The following WDR11 variants were observed in gnomAD, a reference collection of about 807,000 sequenced individuals.
WDR11 encodes WD repeat domain 11, also known as WD repeat-containing protein 11.
WDR11 carries 83 observed loss-of-function variants against 151.2 expected under a neutral mutation model. The observed-to-expected ratio is 0.55, with a 90% CI of 0.46 to 0.66. The LOEUF (loss-of-function observed/expected upper bound fraction) is 0.66, where lower values mean the gene tolerates loss of function less well. Among genes scored for constraint, WDR11 ranks in the 30% least tolerant of loss-of-function variants. WDR11 has a pLI of 0.00. For missense variants in WDR11, 1,301 were observed against 1,480.9 expected (o/e 0.88, Z 1.99); for synonymous variants, 484 against 533.1 (o/e 0.91, Z 1.27).
At position 120,904,039 on chromosome 10, in the gene WDR11, A is replaced by G. The variant is rs1847939647; in HGVS notation, c.2932-8A>G. 6.3e-6 allele frequency: 10 copies of G among 1,593,238 alleles called. No homozygotes were observed. The African/African-American group carries it at 8.1e-5, about 13-fold the overall frequency. On this transcript the variant is annotated splice_polypyrimidine_tract_variant and splice_region_variant and intron_variant, in intron 23 of 28. Coordinates refer to ENST00000263461, the MANE Select transcript of WDR11 (RefSeq NM_018117.12). The stretch of plus-strand genomic sequence containing the variant: ...CAGGCTTAATTTTTCTTTTTTTTCC[A>G]ATTCTAGAAATTTCAGCTAGAAAGG...
At chr10:120,881,141 A>G (rs1233335087) in intron 13 of WDR11, among the ~76,000 whole-genome samples, 1 of 152,218 alleles carries the variant, frequency 6.6e-6, no homozygotes, top group South Asian at 2.1e-4. Flanking sequence ...TTACTTTCGG[A>G]TAAAGTTCTT....
chr10:120,905,306 T>C lies in WDR11; in HGVS notation c.3194-13T>C. The C allele has an allele frequency of 1.2e-6, 2 of 1,613,750 alleles. No individual in the cohort carries two copies. The highest frequency in any genetic ancestry group is 3.3e-5 in the Admixed American group (2 of 60,022). On this transcript the variant is annotated splice_polypyrimidine_tract_variant and intron_variant, in intron 25 of 28. Coordinates refer to ENST00000263461, the MANE Select transcript of WDR11 (RefSeq NM_018117.12). ...TGCAGTGTCACTTAAGGGGATGCGC[T>C]TTTGTCTTTCAGAGGGCGTTCAGTT... is the stretch of plus-strand genomic sequence containing the variant.
At chr10:120,873,760 A>C in intron 10 of WDR11, 79 bp from the exon 11 acceptor site, 1 of 922,608 alleles carries the variant, frequency 1.1e-6, no homozygotes, top group Non-Finnish European at 1.8e-6. Context: ...AAGTGATTAA[A>C]GTCTTGAGAA....
Position 120,880,834 on chromosome 10 carries a change from A to G in WDR11, c.1672A>G (p.Ile558Val). 6.2e-7 allele frequency: 1 copy of G among 1,603,858 alleles called. No individual in the cohort carries two copies. The highest frequency in any genetic ancestry group is 8.5e-7 in the Non-Finnish European group (1 of 1,173,508). ...QLVDLPTGRS[I>V]AFRGERGNDE... is the part of the protein sequence containing the mutation. ...AATATTTGCAATTAAAGGTAGGAGC[A>G]TTGCTTTTCGTGGTGAAAGAGGCAA... Residue 558 changes from isoleucine (I) to valine (V), a missense_variant, in exon 13 of 29, where the codon ATT (isoleucine) becomes GTT (valine). Ile to Val is a conservative substitution (Grantham distance 29, BLOSUM62 3). Transcript: ENST00000263461.
At chr10:120,881,000 T>A (rs934330204) in intron 13 of WDR11, 99 bp downstream of exon 13, 2 of 1,074,998 alleles carry the variant, frequency 1.9e-6, no homozygotes, top group East Asian at 5.2e-5. Flanking sequence ...GGAATGCATA[T>A]GGAATCTTTT....
Position 120,860,190 on chromosome 10 carries a change from A to G in WDR11, c.434A>G (p.Asn145Ser). 1 of 1,614,190 alleles carries G rather than the reference A, an allele frequency of 6.2e-7. No homozygotes were observed. The change falls in exon 4 of 29, where the codon AAT becomes AGT. Residue 145 changes from asparagine (N) to serine (S), a missense_variant. Physicochemically the swap from Asn to Ser is conservative, Grantham distance 46. Coordinates refer to ENST00000263461, the MANE Select transcript of WDR11 (RefSeq NM_018117.12). ...IHPPNYIVLW[N>S]ADTGTKLWKK... ...CCGCCAAATTACATTGTGCTCTGGA[A>G]TGCCGACACTGGCACCAAACTATGG...
At position 120,873,887 on chromosome 10, in the gene WDR11, T is replaced by TAC; in HGVS notation, c.1524_1525dup (p.Lys509ThrfsTer4). Reference sequence around the variant, plus strand: ...GTGTACCATCTCACCAGTGGTCTGCTACACAAAGAGTTAAGCATCCACTCA... The same window carrying TAC: ...GTGTACCATCTCACCAGTGGTCTGCTACACACAAAGAGTTAAGCATCCACTCA... On this transcript the variant is annotated frameshift_variant, in exon 11 of 29. Transcript: ENST00000263461. LOFTEE classifies it high-confidence loss of function. The TAC allele has an allele frequency of 1.2e-6, 2 of 1,613,386 alleles. No individual in the cohort carries two copies. Among genetic ancestry groups the TAC allele is most frequent in the Non-Finnish European group, 1.7e-6 (2 of 1,179,442 alleles).
intron 19 of WDR11, among the ~76,000 whole-genome samples, chr10:120,896,356 T>C (rs1367286257): frequency 6.6e-6 from 1 of 152,208 alleles, no homozygotes; most frequent in East Asian, 1.9e-4. Context: ...AGTATGGGGA[T>C]AGCAGTGAAA....
intron 28 of WDR11, 29 bp from the exon 29 acceptor site, chr10:120,908,527 T>A: frequency 6.2e-7 from 1 of 1,613,568 alleles, no homozygotes; most frequent in Non-Finnish European, 8.5e-7. Flanking sequence ...CAGCCCTTTT[T>A]ACTCTTCTTT....
At chr10:120,905,521 T>A in intron 26 of WDR11, 105 bp downstream of exon 26, 1 of 1,180,430 alleles carries the variant, frequency 8.5e-7, no homozygotes, top group Non-Finnish European at 1.3e-6. Flanking sequence ...CCTGCAAAGC[T>A]GCTTTGCAAA....
chr10:120,867,095 C>T lies in WDR11; in HGVS notation c.1220C>T (p.Pro407Leu). ...SSSGVSPLYS[P>L]VSFCGIPVGV... Reference sequence around the variant, plus strand: ...TCTGGTGTGTCACCTTTATATTCACCAGTGTCTTTCTGTGGAATTCCTGTA... The same window carrying T: ...TCTGGTGTGTCACCTTTATATTCACTAGTGTCTTTCTGTGGAATTCCTGTA... The change falls in exon 9 of 29, where the codon CCA becomes CTA. Residue 407 changes from proline (P) to leucine (L), a missense_variant. This residue lies in a region of WDR11 where 692 missense variants were observed against 762.5 expected (regional missense o/e 0.91). Coordinates refer to ENST00000263461, the MANE Select transcript of WDR11 (RefSeq NM_018117.12). The T allele has an allele frequency of 6.2e-7, 1 of 1,613,718 alleles. No homozygotes were observed. Among genetic ancestry groups the T allele is most frequent in the Non-Finnish European group, 8.5e-7 (1 of 1,179,844 alleles).
chr10:120,905,520 C>T (rs1848004579), intron 26 of WDR11, 104 bp downstream of exon 26: 3 of 1,209,228 alleles, frequency 2.5e-6, no homozygotes, highest in Non-Finnish European at 3.7e-6. Flanking sequence ...GCCTGCAAAG[C>T]TGCTTTGCAA....
At chr10:120,864,920 T>C in intron 5 of WDR11, 127 bp from the exon 6 acceptor site, 3 of 1,071,208 alleles carry the variant, frequency 2.8e-6, no homozygotes, top group Non-Finnish European at 2.7e-6. Context: ...CAACCCATGT[T>C]GGTCACTTCA....
In WDR11 at chr10:120,875,970, T is replaced by TTTTTTTTC. The variant is rs1187003976; in HGVS notation, c.1556+2055_1556+2062dup. Among the ~76,000 whole-genome samples, 213 of 134,350 alleles carry TTTTTTTTC rather than the reference T, an allele frequency of 1.6e-3. 1 individual carries two copies. The highest frequency in any genetic ancestry group is 5.5e-3 in the African/African-American group (200 of 36,540). 88.1% of individuals were successfully genotyped at this position (134,350 alleles called of 152,430 possible). A position where few individuals can be genotyped will look rare whatever the true frequency, so the allele number is the denominator to read the frequency against. On this transcript the variant is annotated intron_variant, in intron 11 of 28. Coordinates refer to ENST00000263461, the MANE Select transcript of WDR11 (RefSeq NM_018117.12). ...TTTTCTTAATGGAGAAGGGTTAACCTTTTTTTTCTTTTTTTTTTTTTTTTT... is the reference window on the plus strand; with the variant it reads ...TTTTCTTAATGGAGAAGGGTTAACCTTTTTTTTCTTTTTTTCTTTTTTTTTTTTTTTTT...
intron 2 of WDR11, among the ~76,000 whole-genome samples, chr10:120,853,383 A>G (rs1845846214): frequency 6.6e-6 from 1 of 151,806 alleles, no homozygotes; most frequent in African/African-American, 2.4e-5. Flanking sequence ...CTCCTGCCTC[A>G]GCCTCCTGAG....
At chr10:120,874,551 C>G (rs1470833346) in intron 11 of WDR11, among the ~76,000 whole-genome samples, 1 of 151,322 alleles carries the variant, frequency 6.6e-6, no homozygotes, top group Non-Finnish European at 1.5e-5. Flanking sequence ...CTGATGCTCT[C>G]CCTCCCCTCA....
chr10:120,884,416 G>A lies in WDR11; in HGVS notation c.1848+528G>A, dbSNP rs1847142411. On this transcript the variant is annotated intron_variant, in intron 14 of 28. Transcript: ENST00000263461. ...ATGGACAGACTGTGTAGTAGACGGT[G>A]TTGGGAAAACTGTCTCACTTTATGG... Among the ~76,000 whole-genome samples, 4 of 152,154 alleles carry A rather than the reference G, an allele frequency of 2.6e-5. No homozygotes were observed. The South Asian group carries it at 8.3e-4, about 31-fold the overall frequency.
intron 19 of WDR11, among the ~76,000 whole-genome samples, chr10:120,896,348 T>C (rs1023399000): frequency 6.6e-6 from 1 of 151,942 alleles, no homozygotes; most frequent in Admixed American, 6.6e-5. Context: ...AAATGGAGAG[T>C]ATGGGGATAG....
chr10:120,883,900 T>C lies in WDR11; in HGVS notation c.1848+12T>C. On this transcript the variant is annotated intron_variant, in intron 14 of 28. Transcript: ENST00000263461. ...CAATAACTGCTTTGGTAAGTTACAA[T>C]TTAAGAATTTAATAGCTTATTTAGG... 9 of 1,594,888 alleles carry C rather than the reference T, an allele frequency of 5.6e-6. No homozygotes were observed. Among genetic ancestry groups the C allele is most frequent in the Non-Finnish European group, 7.7e-6 (9 of 1,163,168 alleles).
Sources: gnomAD v4.1 joint callset for allele counts (sites outside exome capture counted in the v4.1 genomes callset) on GRCh38, gnomAD v4.1.1 for gene constraint, gnomAD v4.1.1 regional missense constraint, MANE v1.5 for transcripts, NCBI Gene and HGNC (gene_info 2026-07-23, HGNC 2026-07-21) for gene names.